Variants in PKHD1 observed in about 807,000 individuals in gnomAD.
PKHD1 encodes the protein fibrocystin.
A neutral mutation model predicts 412.0 loss-of-function variants in PKHD1; 291 were observed. The ratio of observed to expected loss-of-function variants is 0.71; its 90% confidence interval spans 0.64 to 0.78. The LOEUF is 0.78. PKHD1 is among the 30% of genes least tolerant of loss of function. PKHD1 has a pLI of 0.00. For missense variants in PKHD1, 4,825 were observed against 4,950.7 expected (o/e 0.97, Z 0.76); for synonymous variants, 1,777 against 1,821.5 (o/e 0.98, Z 0.62).
intron 43 of PKHD1, among the ~76,000 whole-genome samples, chr6:51,899,530 G>A (rs1780837780): frequency 6.6e-6 from 1 of 151,270 alleles, no homozygotes; most frequent in Non-Finnish European, 1.5e-5. Context: ...AATAATAAGA[G>A]CTATCTATGA....
intron 12 of PKHD1, among the ~76,000 whole-genome samples, chr6:52,065,452 A>G (rs1275204980): frequency 6.6e-6 from 1 of 152,120 alleles, no homozygotes; most frequent in Non-Finnish European, 1.5e-5. Context: ...TAAGTGTGAC[A>G]TGACAGTGTG....
chr6:51,813,219 T>C (rs1326594), intron 52 of PKHD1, among the ~76,000 whole-genome samples: 142,043 of 152,220 alleles, frequency 0.93, 67,092 homozygotes, highest in East Asian at 1. Context: ...ACCTTTTTAT[T>C]AACAGAACTG....
chr6:51,682,172 A>T, intron 60 of PKHD1: 1 of 454,354 alleles, frequency 2.2e-6, no homozygotes, highest in Non-Finnish European at 4.4e-6. Flanking sequence ...TCCTCCGAAC[A>T]TATATACTAT....
chr6:52,086,106 A>ATTTGTGT (rs913681309), intron 1 of PKHD1, among the ~76,000 whole-genome samples: 1 of 146,110 alleles, frequency 6.8e-6, no homozygotes, highest in African/African-American at 2.5e-5. Flanking sequence ...ACACACACAA[A>ATTTGTGT]GTGTGTGTGT....
chr6:51,956,188 C>A (rs1791093723), intron 36 of PKHD1, among the ~76,000 whole-genome samples: 1 of 151,856 alleles, frequency 6.6e-6, no homozygotes, highest in South Asian at 2.1e-4. Context: ...ATTTTATATT[C>A]CTAACAATTC....
At chr6:51,929,549 G>A (rs1021476609) in intron 37 of PKHD1, among the ~76,000 whole-genome samples, 4 of 152,054 alleles carry the variant, frequency 2.6e-5, no homozygotes, top group South Asian at 2.1e-4. Flanking sequence ...ACCACTGACC[G>A]GAAACACACT....
At chr6:51,759,420 C>T (rs982304127) in intron 55 of PKHD1, among the ~76,000 whole-genome samples, 1 of 152,022 alleles carries the variant, frequency 6.6e-6, no homozygotes, top group Non-Finnish European at 1.5e-5. Flanking sequence ...AAATCTTTCC[C>T]CTGGAATTTT....
At chr6:51,864,229 C>T (rs142440461) in intron 48 of PKHD1, among the ~76,000 whole-genome samples, 2 of 152,234 alleles carry the variant, frequency 1.3e-5, no homozygotes, top group African/African-American at 4.8e-5. Flanking sequence ...CCAAAGCAGA[C>T]AGCAGGACAC....
intron 46 of PKHD1, among the ~76,000 whole-genome samples, chr6:51,882,041 A>C (rs1777459118): frequency 6.6e-6 from 1 of 152,214 alleles, no homozygotes; most frequent in Non-Finnish European, 1.5e-5. Context: ...ATTTAACATC[A>C]ATTAAGATAC....
chr6:51,726,594 A>G (rs1001696766), intron 60 of PKHD1, among the ~76,000 whole-genome samples: 21 of 152,138 alleles, frequency 1.4e-4, no homozygotes, highest in Non-Finnish European at 2.2e-4. Context: ...CCAGCCCCAT[A>G]TGAACTGTCA....
At chr6:51,721,136 A>T in intron 60 of PKHD1, 3 of 950,972 alleles carry the variant, frequency 3.2e-6, no homozygotes, top group South Asian at 4.9e-5. Flanking sequence ...TGTTCCAATA[A>T]TGGAACACTG....
intron 35 of PKHD1, among the ~76,000 whole-genome samples, chr6:51,976,238 C>T (rs1028774536): frequency 1.3e-5 from 2 of 152,186 alleles, no homozygotes; most frequent in Non-Finnish European, 2.9e-5. Flanking sequence ...GTGGAAGCAA[C>T]TCATGTGCAT....
chr6:51,647,287 A>G (rs1470347510), intron 63 of PKHD1, among the ~76,000 whole-genome samples: 2 of 152,158 alleles, frequency 1.3e-5, no homozygotes, highest in East Asian at 3.9e-4. Context: ...GAACTCAGAA[A>G]CTATTTTTCC....
At chr6:51,887,003 GT>G in intron 44 of PKHD1, 129 bp downstream of exon 44, 1 of 716,864 alleles carries the variant, frequency 1.4e-6, no homozygotes, top group Non-Finnish European at 2.5e-6. Flanking sequence ...CAAAAAAGCA[GT>G]TTCAGAAAAT....
chr6:51,768,857 A>G (rs1190324451), intron 55 of PKHD1, among the ~76,000 whole-genome samples: 1 of 151,668 alleles, frequency 6.6e-6, no homozygotes, highest in Admixed American at 6.6e-5. Context: ...TACCATCCAA[A>G]TAAATAGCAT....
Position 51,979,082 on chromosome 6 carries a change from G to A in PKHD1, c.5752-19056C>T, listed in dbSNP as rs1029389907. On this transcript the variant is annotated intron_variant, in intron 35 of 66. Transcript: ENST00000371117. ...TGACTTGTCCCGTCCTTAATCCCCA[G>A]CGTCCAATAGGTAACCAAGTTGTGT... Among the ~76,000 whole-genome samples the A allele has an allele frequency of 5.9e-5, 9 of 152,108 alleles. No individual in the cohort carries two copies. The South Asian group carries it at 1.9e-3, about 32-fold the overall frequency.
At position 51,660,278 on chromosome 6, in the gene PKHD1, C is replaced by G. The variant is rs533653714; in HGVS notation, c.10157-309G>C. ...AGACAATGAAATAATCATTAAGGGC[C>G]CTTGAGAGAAAAGCAAGATAAACTG... On this transcript the variant is annotated intron_variant, in intron 60 of 66. Transcript: ENST00000371117. Among the ~76,000 whole-genome samples, 10 of 151,766 alleles carry G rather than the reference C, an allele frequency of 6.6e-5. No homozygotes were observed. The East Asian group carries it at 1.9e-3, about 29-fold the overall frequency.
intron 37 of PKHD1, among the ~76,000 whole-genome samples, chr6:51,916,955 T>G (rs1783894426): frequency 6.6e-6 from 1 of 152,144 alleles, no homozygotes; most frequent in South Asian, 2.1e-4. Context: ...TCCTACAAAT[T>G]ATTGTTCAAG....
intron 27 of PKHD1, among the ~76,000 whole-genome samples, chr6:52,040,625 T>A (rs1416460264): frequency 1.3e-5 from 2 of 152,224 alleles, no homozygotes; most frequent in East Asian, 3.8e-4. Context: ...GCAACCTCCA[T>A]GACATTCTGG....
Sources: allele counts gnomAD v4.1 joint callset (sites outside exome capture counted in the v4.1 genomes callset), GRCh38; gene constraint gnomAD v4.1.1; transcripts MANE v1.5; gene names NCBI Gene and HGNC (gene_info 2026-07-23, HGNC 2026-07-21).